STON2: variants seen among roughly 807,000 people sequenced by gnomAD.
The protein encoded by STON2 is stonin-2.
STON2 carries 29 observed loss-of-function variants against 65.7 expected under a neutral mutation model. That is an observed-to-expected ratio of 0.44 (90% CI 0.33 to 0.60). The LOEUF is 0.60. Among genes scored for constraint, STON2 ranks in the 20% least tolerant of loss-of-function variants. The probability of loss-of-function intolerance (pLI) is 0.03; values close to 1 mark genes in which losing one functional copy is unlikely to be tolerated. For missense variants in STON2, 1,054 were observed against 1,118.1 expected (o/e 0.94, Z 0.82); for synonymous variants, 404 against 414.2 (o/e 0.98, Z 0.30).
intron 5 of STON2, among the ~76,000 whole-genome samples, chr14:81,307,070 A>G (rs1896212198): frequency 1.3e-5 from 2 of 152,244 alleles, no homozygotes; most frequent in South Asian, 4.1e-4. Context: ...TTATAACTGG[A>G]AGGATGTTTG....
intron 1 of STON2, chr14:81,427,502 C>G (rs1318804071): frequency 6.6e-6 from 1 of 152,132 alleles, no homozygotes; most frequent in Admixed American, 6.5e-5. Flanking sequence ...TTAAAATCAA[C>G]CGGAAGCAGA....
intron 2 of STON2, among the ~76,000 whole-genome samples, chr14:81,409,579 T>G (rs944857174): frequency 6.6e-6 from 1 of 152,174 alleles, no homozygotes; most frequent in African/African-American, 2.4e-5. Context: ...TTCAATTCAC[T>G]TTTACAGTAA....
chr14:81,396,261 C>T (rs1253664791), intron 2 of STON2, 83 bp from the exon 3 acceptor site: 1 of 1,378,358 alleles, frequency 7.3e-7, no homozygotes, highest in African/African-American at 1.5e-5. Context: ...CTAAGGATGA[C>T]CATGGGGTGC....
In STON2 at chr14:81,267,756, T is replaced by C; in HGVS notation, c.*658A>G. On this transcript the variant is annotated 3_prime_UTR_variant, in exon 8 of 8. Coordinates refer to ENST00000614646, the MANE Select transcript of STON2 (RefSeq NM_001394390.1). ...AGTCTCCTATTGTGCCTTTTTCCATTGTCTATTGTGACTCAGGATAGCAAA... is the reference window on the plus strand; with the variant it reads ...AGTCTCCTATTGTGCCTTTTTCCATCGTCTATTGTGACTCAGGATAGCAAA... 1.0e-6 allele frequency: 1 copy of C among 985,418 alleles called. No individual in the cohort carries two copies. Among genetic ancestry groups the C allele is most frequent in the South Asian group, 4.7e-5 (1 of 21,288 alleles). 61.0% of individuals were successfully genotyped at this position (985,418 alleles called of 1,614,324 possible).
At chr14:81,280,481 A>G (rs1027116560) in intron 5 of STON2, among the ~76,000 whole-genome samples, 4 of 152,150 alleles carry the variant, frequency 2.6e-5, no homozygotes, top group African/African-American at 9.7e-5. Context: ...CTACCATCCT[A>G]CCCACTGTTT....
chr14:81,299,106 T>C lies in STON2; in HGVS notation c.743-20367A>G, dbSNP rs145695930. ...TTCTAGCCACATGGCTCAGATCAAG[T>C]GACACCAAACTGTATTTGGTACTAG... On this transcript the variant is annotated intron_variant, in intron 5 of 7. Transcript: ENST00000614646. Among the ~76,000 whole-genome samples, 7 of 152,302 alleles carry C rather than the reference T, an allele frequency of 4.6e-5. No homozygotes were observed. The East Asian group carries it at 1.4e-3, about 29-fold the overall frequency.
intron 4 of STON2, among the ~76,000 whole-genome samples, chr14:81,366,116 G>A (rs1044165326): frequency 6.6e-6 from 1 of 152,210 alleles, no homozygotes; most frequent in African/African-American, 2.4e-5. Context: ...CATCAACACT[G>A]CTCTCCAGCT....
chr14:81,306,429 G>C (rs1285983183), intron 5 of STON2, among the ~76,000 whole-genome samples: 1 of 151,346 alleles, frequency 6.6e-6, no homozygotes, highest in Admixed American at 6.6e-5. Flanking sequence ...AGGATGGAGT[G>C]CAGTGGCAAT....
At chr14:81,423,455 T>C (rs8014043) in intron 2 of STON2, among the ~76,000 whole-genome samples, 70,402 of 152,040 alleles carry the variant, frequency 0.46, 18,089 homozygotes, top group Non-Finnish European at 0.58. Context: ...GAACAACTTA[T>C]CTGGCTCAAG....
At position 81,267,662 on chromosome 14, in the gene STON2, A is replaced by C; in HGVS notation, c.*752T>G. ...GTCTCTTTTCTCCAAAATGAAGAAA[A>C]CTAAGATTAATTTTGCCTTCCCCTC... is the stretch of plus-strand genomic sequence containing the variant. On this transcript the variant is annotated 3_prime_UTR_variant, in exon 8 of 8. Transcript: ENST00000614646. 1 of 984,972 alleles carries C rather than the reference A, an allele frequency of 1.0e-6. No homozygotes were observed. The highest frequency in any genetic ancestry group is 1.2e-6 in the Non-Finnish European group (1 of 829,578). The allele number at this position is 984,972 out of a possible 1,614,324, so 61.0% of individuals were successfully genotyped here.
chr14:81,328,265 A>G (rs1290045585), intron 4 of STON2, among the ~76,000 whole-genome samples: 1 of 152,134 alleles, frequency 6.6e-6, no homozygotes, highest in Non-Finnish European at 1.5e-5. Context: ...GGGAATATAG[A>G]AGTCTATTAA....
chr14:81,318,732 T>C (rs1896714200), intron 5 of STON2, among the ~76,000 whole-genome samples: 1 of 152,124 alleles, frequency 6.6e-6, no homozygotes, highest in African/African-American at 2.4e-5. Context: ...GTGCCTGTAA[T>C]CCCGGCTACT....
In STON2 at chr14:81,371,123, G is replaced by C. The variant is rs964678293; in HGVS notation, c.436C>G (p.Leu146Val). 1 of 1,614,050 alleles carries C rather than the reference G, an allele frequency of 6.2e-7. No homozygotes were observed. The highest frequency in any genetic ancestry group is 1.3e-5 in the African/African-American group (1 of 74,942). Residue 146 changes from leucine to valine, a missense_variant, in exon 4 of 8, where the codon CTG (leucine) becomes GTG (valine). Transcript: ENST00000614646. ...GTGGTCCAGCTGCTCTCAGAAGTCA[G>C]AGGGCATCTCCCCAGGGAGTCAAAG... The part of the protein sequence containing the change: ...PSFDSLGRCP[L>V]TSESSWTTHS...
chr14:81,286,366 T>A (rs1895333763), intron 5 of STON2, among the ~76,000 whole-genome samples: 1 of 152,194 alleles, frequency 6.6e-6, no homozygotes, highest in African/African-American at 2.4e-5. Context: ...CATTGTTGTT[T>A]TACATTAAGA....
At chr14:81,269,979 A>G (rs1894506710) in intron 7 of STON2, 1 of 985,280 alleles carries the variant, frequency 1.0e-6, no homozygotes, top group African/African-American at 1.7e-5. Context: ...CATCAACTCT[A>G]ACTGAAGCAT....
rs557313721 is a variant in STON2 at position 81,264,303 on chromosome 14, T to G, written c.*4111A>C. 1.0e-6 allele frequency: 1 copy of G among 985,462 alleles called. No individual in the cohort carries two copies. The allele number at this position is 985,462 out of a possible 1,614,324, so 61.0% of individuals were successfully genotyped here. A position where few individuals can be genotyped will look rare whatever the true frequency, so the allele number is the denominator to read the frequency against. On this transcript the variant is annotated 3_prime_UTR_variant, in exon 8 of 8. Transcript: ENST00000614646. The stretch of plus-strand genomic sequence containing the variant: ...GGCAGGAGTAAAAGGAAAGCAAAAT[T>G]ATTTAAGTCCTTCAGGAAATAAAAG...
chr14:81,324,520 A>G (rs1896938291), intron 4 of STON2, among the ~76,000 whole-genome samples: 1 of 152,256 alleles, frequency 6.6e-6, no homozygotes, highest in South Asian at 2.1e-4. Flanking sequence ...TAGAGTGTTA[A>G]CACTAGCATA....
At chr14:81,435,159 T>C (rs1022991475) in intron 1 of STON2, among the ~76,000 whole-genome samples, 7 of 152,210 alleles carry the variant, frequency 4.6e-5, no homozygotes, top group Non-Finnish European at 1.0e-4. Flanking sequence ...CAGTTACTAG[T>C]TGGAATGCAT....
At chr14:81,284,169 T>C (rs1175156103) in intron 5 of STON2, among the ~76,000 whole-genome samples, 1 of 152,186 alleles carries the variant, frequency 6.6e-6, no homozygotes, top group Non-Finnish European at 1.5e-5. Context: ...ATATTGAAAT[T>C]AGGCCAATTA....
Sources: allele counts gnomAD v4.1 joint callset (sites outside exome capture counted in the v4.1 genomes callset), GRCh38; gene constraint gnomAD v4.1.1; transcripts MANE v1.5; gene names NCBI Gene and HGNC (gene_info 2026-07-23, HGNC 2026-07-21).